NFATC1: variants seen among roughly 807,000 people sequenced by gnomAD.
NFATC1 encodes the protein nuclear factor of activated T-cells, cytoplasmic 1.
In NFATC1, 22 loss-of-function variants were observed where a neutral mutation model predicts 76.0. The ratio of observed to expected loss-of-function variants is 0.29; its 90% confidence interval spans 0.21 to 0.41. NFATC1 has a LOEUF of 0.41. Ranked by LOEUF, NFATC1 falls within the 10% of genes least tolerant of loss-of-function variation. The pLI is 1.00. For missense variants in NFATC1, 1,357 were observed against 1,337.7 expected (o/e 1.01, Z -0.23); for synonymous variants, 704 against 613.1 (o/e 1.15, Z -2.19).
At chr18:79,470,003 A>G in intron 8 of NFATC1, 1 of 985,350 alleles carries the variant, frequency 1.0e-6, no homozygotes, top group Non-Finnish European at 1.2e-6. Context: ...TAAATAATGA[A>G]TAGAAACCAG....
At chr18:79,427,891 TCGG>T (rs1568949278) in intron 2 of NFATC1, among the ~76,000 whole-genome samples, 12 of 54,546 alleles carry the variant, frequency 2.2e-4, no homozygotes, top group African/African-American at 7.0e-4. Flanking sequence ...GTGCAGTGAG[TCGG>T]GGAGGGGGGT....
intron 3 of NFATC1, among the ~76,000 whole-genome samples, chr18:79,445,470 C>T (rs1160847675): frequency 2.6e-5 from 4 of 152,206 alleles, no homozygotes; most frequent in Admixed American, 1.3e-4. Context: ...AGACGCACCA[C>T]GGCCTTCACC....
chr18:79,400,228 G>A (rs1234518462), intron 1 of NFATC1: 9 of 1,200,002 alleles, frequency 7.5e-6, no homozygotes, highest in Non-Finnish European at 8.2e-6. Context: ...CCGCGAGCCG[G>A]TTGTTTATGT....
At chr18:79,525,756 A>G (rs902964426) in intron 9 of NFATC1, among the ~76,000 whole-genome samples, 1 of 152,156 alleles carries the variant, frequency 6.6e-6, no homozygotes, top group African/African-American at 2.4e-5. Context: ...CTCTTCATGC[A>G]TTGGGCAGCC....
At chr18:79,454,149 T>C (rs545224450) in intron 6 of NFATC1, among the ~76,000 whole-genome samples, 1 of 152,296 alleles carries the variant, frequency 6.6e-6, no homozygotes, top group African/African-American at 2.4e-5. Flanking sequence ...AATCCGTCAG[T>C]AGGGCAGTTG....
At chr18:79,396,397 G>A (rs1174540589) in intron 1 of NFATC1, 46 bp downstream of exon 1, 3 of 1,126,756 alleles carry the variant, frequency 2.7e-6, no homozygotes, top group Admixed American at 9.7e-5. Context: ...CGCCCCCCAC[G>A]GCCCGGGCCG....
chr18:79,527,469 C>T (rs2090799724), intron 9 of NFATC1, 59 bp from the exon 10 acceptor site: 28 of 1,384,650 alleles, frequency 2.0e-5, no homozygotes, highest in Non-Finnish European at 2.7e-5. Flanking sequence ...GGGCTGGGGG[C>T]GTTGCTTTGA....
intron 1 of NFATC1, chr18:79,400,498 G>T: frequency 7.1e-7 from 1 of 1,402,888 alleles, no homozygotes. Flanking sequence ...GTCCCGGAGG[G>T]CGCGGGGGGC....
intron 1 of NFATC1, among the ~76,000 whole-genome samples, chr18:79,405,427 C>CT (rs1183614698): frequency 6.6e-6 from 1 of 152,252 alleles, no homozygotes; most frequent in Admixed American, 6.5e-5. Context: ...AAGAAAGTTA[C>CT]TGGGAATATT....
intron 6 of NFATC1, among the ~76,000 whole-genome samples, chr18:79,456,993 A>C (rs957660475): frequency 1.3e-5 from 2 of 152,250 alleles, no homozygotes; most frequent in African/African-American, 4.8e-5. Context: ...AGAGGTGTCC[A>C]TCCCAACAGT....
At position 79,411,073 on chromosome 18, in the gene NFATC1, G is replaced by A. The variant is rs770958239; in HGVS notation, c.798G>A (p.Arg266=). ...SSRPASPCNK[R]KYSLNGRQPP... ...GACCCGCGTCCCCTTGCAACAAGAG[G>A]AAGTACAGCCTCAACGGCCGGCAGC... Residue 266 remains arginine (R), a synonymous_variant, in exon 2 of 10, where the codon AGG becomes AGA. Transcript: ENST00000427363. 4 of 1,612,072 alleles carry A rather than the reference G, an allele frequency of 2.5e-6. No homozygotes were observed. In the South Asian group the frequency reaches 4.4e-5, roughly 18 times the overall value.
intron 2 of NFATC1, among the ~76,000 whole-genome samples, 162 bp downstream of exon 2, chr18:79,411,663 T>A (rs1217808998): frequency 3.3e-5 from 5 of 151,840 alleles, no homozygotes; most frequent in Non-Finnish European, 5.9e-5. Flanking sequence ...GGAGGCAGAG[T>A]CTGTCCCCAT....
chr18:79,400,282 G>A (rs1600572831), intron 1 of NFATC1: 4 of 1,207,032 alleles, frequency 3.3e-6, no homozygotes, highest in Non-Finnish European at 4.2e-6. Context: ...GCGGGGACGG[G>A]GGGAGGGGCG....
chr18:79,414,412 A>G (rs1265076622), intron 2 of NFATC1, among the ~76,000 whole-genome samples: 1 of 152,178 alleles, frequency 6.6e-6, no homozygotes, highest in Non-Finnish European at 1.5e-5. Context: ...TGCTGTGTGC[A>G]TCCTTCCCAG....
At position 79,411,065 on chromosome 18, in the gene NFATC1, A is replaced by C; in HGVS notation, c.790A>C (p.Asn264His). ...ARSSRPASPC[N>H]KRKYSLNGRQ... ...CTCCTCCAGACCCGCGTCCCCTTGCAACAAGAGGAAGTACAGCCTCAACGG... is the reference window on the plus strand; with the variant it reads ...CTCCTCCAGACCCGCGTCCCCTTGCCACAAGAGGAAGTACAGCCTCAACGG... The change falls in exon 2 of 10, where the codon AAC becomes CAC. Residue 264 changes from asparagine to histidine, a missense_variant. Coordinates refer to ENST00000427363, the MANE Select transcript of NFATC1 (RefSeq NM_001278669.2). 1.2e-6 allele frequency: 2 copies of C among 1,611,920 alleles called. No homozygotes were observed. The highest frequency in any genetic ancestry group is 1.7e-6 in the Non-Finnish European group (2 of 1,179,490).
At chr18:79,451,566 G>C (rs895545720) in intron 5 of NFATC1, 110 bp from the exon 6 acceptor site, 1 of 1,256,212 alleles carries the variant, frequency 8.0e-7, no homozygotes, top group Non-Finnish European at 1.0e-6. Context: ...AGGTCGTGGC[G>C]GTGCTTGCTC....
At position 79,450,959 on chromosome 18, in the gene NFATC1, A is replaced by G; in HGVS notation, c.1595A>G (p.Asp532Gly). 6.2e-7 allele frequency: 1 copy of G among 1,613,372 alleles called. No individual in the cohort carries two copies. The highest frequency in any genetic ancestry group is 8.5e-7 in the Non-Finnish European group (1 of 1,179,736). Residue 532 changes from aspartate to glycine, a missense_variant, in exon 5 of 10, where the codon GAC becomes GGC. Transcript: ENST00000427363. ...TGGGCTTTTGTTTTGGGCAGCATTG[A>G]CTGTGCCGGAATCCTGAAACTCAGA... ...LPENSMRAVIDCAGILKLRNS... is the reference protein window; with the variant it reads ...LPENSMRAVIGCAGILKLRNS...
chr18:79,449,071 C>G, intron 4 of NFATC1, 87 bp downstream of exon 4: 1 of 1,346,002 alleles, frequency 7.4e-7, no homozygotes. Context: ...CTGGCCAGCC[C>G]CCCGCACTTC....
rs532796898 is a variant in NFATC1 at position 79,434,027 on chromosome 18, C to T, written c.1386+289C>T. Among the ~76,000 whole-genome samples the T allele has an allele frequency of 6.5e-4, 99 of 152,352 alleles. 1 individual carries two copies. The highest frequency in any genetic ancestry group is 1.5e-3 in the South Asian group (7 of 4,824). On this transcript the variant is annotated intron_variant, in intron 3 of 9. Coordinates refer to ENST00000427363, the MANE Select transcript of NFATC1 (RefSeq NM_001278669.2). The stretch of plus-strand genomic sequence containing the variant: ...TGTGGATGTTTTGGGGGTTGATTCT[C>T]CCCTCTCTAAAGCCTCTGAACTTGG...
Sources: allele counts gnomAD v4.1 joint callset (sites outside exome capture counted in the v4.1 genomes callset), GRCh38; gene constraint gnomAD v4.1.1; transcripts MANE v1.5; gene names NCBI Gene and HGNC (gene_info 2026-07-23, HGNC 2026-07-21).